Variants in CHRNB4 observed in about 807,000 individuals in gnomAD.
CHRNB4 encodes neuronal acetylcholine receptor subunit beta-4.
CHRNB4 carries 23 observed loss-of-function variants against 40.4 expected under a neutral mutation model. That is an observed-to-expected ratio of 0.57 (90% CI 0.41 to 0.81). The LOEUF (loss-of-function observed/expected upper bound fraction) is 0.81. CHRNB4 is among the 30% of genes least tolerant of loss of function. The pLI, the probability that CHRNB4 is intolerant of heterozygous loss-of-function variation, is 0.00. For synonymous variants in CHRNB4, 285 were observed against 274.4 expected (o/e 1.04, Z -0.38); for missense variants, 568 against 670.6 (o/e 0.85, Z 1.69).
intron 6 of CHRNB4, among the ~76,000 whole-genome samples, chr15:78,649,898 AATATGACTAC>A (rs1225671188): frequency 6.6e-6 from 1 of 152,258 alleles, no homozygotes; most frequent in Non-Finnish European, 1.5e-5. Context: ...GTCTGAAGCA[AATATGACTAC>A]ATATGAGTAT....
rs1423098316 is a variant in CHRNB4, at chr15:78,628,654, G to A, written c.1338+313C>T. ...CCTGCTCATTCATTCTCCTTTCCCT[G>A]TCTCACTTTCCCTCCTTCCTCACTG... On this transcript the variant is annotated intron_variant, in intron 5 of 5. Transcript: ENST00000261751. Among the ~76,000 whole-genome samples, 3 of 152,056 alleles carry A rather than the reference G, an allele frequency of 2.0e-5. No homozygotes were observed. In the East Asian group the frequency reaches 5.8e-4, roughly 29 times the overall value.
intron 2 of CHRNB4, among the ~76,000 whole-genome samples, chr15:78,633,949 G>A (rs1430367069): frequency 5.3e-5 from 8 of 151,994 alleles, no homozygotes; most frequent in African/African-American, 1.7e-4. Flanking sequence ...GGATGCTGGC[G>A]AGGGAGTGCC....
chr15:78,631,124 C>T lies in CHRNB4; in HGVS notation c.311G>A (p.Arg104Lys). The change falls in exon 4 of 6, where the codon AGG becomes AAG. Residue 104 changes from arginine to lysine, a missense_variant. By Grantham distance (26) the Arg-to-Lys change is conservative. Coordinates refer to ENST00000261751, the MANE Select transcript of CHRNB4 (RefSeq NM_000750.5). The stretch of plus-strand genomic sequence containing the variant: ...CAACCAGATGCGCTTTGCAGGGATC[C>T]TCAGGATGTTCACACCCTCGTAGCG... ...SSRYEGVNIL[R>K]IPAKRIWLPD... 1 of 1,614,226 alleles carries T rather than the reference C, an allele frequency of 6.2e-7. No individual in the cohort carries two copies. The highest frequency in any genetic ancestry group is 8.5e-7 in the Non-Finnish European group (1 of 1,180,040).
At chr15:78,641,379 T>TA (rs1308120104), upstream of CHRNB4, 1 of 450,244 alleles carries the variant, frequency 2.2e-6, no homozygotes, top group Non-Finnish European at 3.9e-6. Flanking sequence ...CCCTATCTCT[T>TA]CGGGCCTCGC....
chr15:78,655,434 A>ATATATATC (rs1159835109), intron 5 of CHRNB4: 4 of 139,352 alleles, frequency 2.9e-5, no homozygotes, highest in Admixed American at 7.1e-5. Flanking sequence ...ATCTATATCT[A>ATATATATC]TATATATCTA....
At chr15:78,632,189 CTTTCTTTCTTTCTTTCTTTCTTTCTCTT>C (rs2053833520) in intron 2 of CHRNB4, among the ~76,000 whole-genome samples, 1 of 11,924 alleles carries the variant, frequency 8.4e-5, no homozygotes, top group African/African-American at 1.7e-4. Flanking sequence ...TTCTTTCTTT[CTTTCTTTCTTTCTTTCTTTCTTTCTCTT>C]TCTCTCTCTC....
intron 5 of CHRNB4, among the ~76,000 whole-genome samples, chr15:78,654,050 T>A (rs1567141276): frequency 6.6e-6 from 1 of 152,136 alleles, no homozygotes. Context: ...TGAGAACCTG[T>A]CTCTTCCAAT....
chr15:78,660,163 C>T (rs148767650), intron 1 of CHRNB4, among the ~76,000 whole-genome samples: 55 of 151,392 alleles, frequency 3.6e-4, no homozygotes, highest in Middle Eastern at 3.4e-3. Context: ...GTCGAGATCA[C>T]GCCACTGCAC....
chr15:78,645,951 T>C (rs1176408601), upstream of CHRNB4, among the ~76,000 whole-genome samples: 2 of 151,770 alleles, frequency 1.3e-5, no homozygotes, highest in Non-Finnish European at 2.9e-5. Context: ...TCCCAGCTAC[T>C]TGGGAGGCTG....
At chr15:78,632,186 T>C in intron 2 of CHRNB4, among the ~76,000 whole-genome samples, 1 of 10,370 alleles carries the variant, frequency 9.6e-5, no homozygotes, top group African/African-American at 2.5e-4. Flanking sequence ...TCTTTCTTTC[T>C]TTCTTTCTTT....
upstream of CHRNB4, chr15:78,641,346 G>C (rs2054071747): frequency 1.0e-5 from 5 of 476,452 alleles, no homozygotes; most frequent in Admixed American, 1.8e-4. Context: ...TGGGTGGTCT[G>C]GACCCCACCT....
upstream of CHRNB4, among the ~76,000 whole-genome samples, chr15:78,645,050 T>C (rs1596121219): frequency 1.3e-5 from 2 of 151,402 alleles, no homozygotes; most frequent in South Asian, 4.2e-4. Context: ...AGTAAGGGAC[T>C]CACCTGCAAA....
chr15:78,626,028 G>A (rs1456217657), intron 5 of CHRNB4: 2 of 152,462 alleles, frequency 1.3e-5, no homozygotes, highest in Admixed American at 6.5e-5. Context: ...ACACCCCTAG[G>A]CCTGGCTGGC....
At chr15:78,659,841 G>A (rs535803506) in intron 1 of CHRNB4, among the ~76,000 whole-genome samples, 2 of 152,338 alleles carry the variant, frequency 1.3e-5, no homozygotes, top group South Asian at 4.1e-4. Context: ...TGTTTTAGCT[G>A]CTGGATGAAG....
upstream of CHRNB4, among the ~76,000 whole-genome samples, chr15:78,642,430 C>T (rs1395971493): frequency 6.6e-6 from 1 of 152,218 alleles, no homozygotes; most frequent in African/African-American, 2.4e-5. Flanking sequence ...AGCCTGGAGC[C>T]TGTTGGGCTT....
upstream of CHRNB4, chr15:78,661,082 G>A (rs2054248909): frequency 1.0e-5 from 6 of 601,958 alleles, no homozygotes; most frequent in Admixed American, 1.9e-5. Flanking sequence ...CCTCTGGCGC[G>A]CTTGAACTTC....
At chr15:78,640,046 A>G (rs554026249) in intron 1 of CHRNB4, among the ~76,000 whole-genome samples, 3 of 152,140 alleles carry the variant, frequency 2.0e-5, no homozygotes, top group African/African-American at 7.2e-5. Context: ...ATATCTTTCC[A>G]TTTTTTCAAT....
rs1361903827 is a variant in CHRNB4, at chr15:78,631,232, A to G, written c.250-47T>C. On this transcript the variant is annotated intron_variant, in intron 3 of 5. Coordinates refer to ENST00000261751, the MANE Select transcript of CHRNB4 (RefSeq NM_000750.5). ...TGTCACTTGCAGGTCCACTGCCACC[A>G]AAGGGCAGCCCTAAAGAAAAGATCT... 1.9e-6 allele frequency: 3 copies of G among 1,613,242 alleles called. No homozygotes were observed. In the East Asian group the frequency reaches 6.7e-5, roughly 36 times the overall value.
chr15:78,650,007 G>T (rs1436279503), intron 6 of CHRNB4, among the ~76,000 whole-genome samples: 9 of 151,668 alleles, frequency 5.9e-5, no homozygotes, highest in Non-Finnish European at 7.4e-5. Flanking sequence ...TATCAATTTT[G>T]TTTTTTTTAA....
Sources: allele counts gnomAD v4.1 joint callset (sites outside exome capture counted in the v4.1 genomes callset), GRCh38; gene constraint gnomAD v4.1.1; transcripts MANE v1.5; gene names NCBI Gene and HGNC (gene_info 2026-07-23, HGNC 2026-07-21).